Variants in CFAP97D1 observed in about 807,000 individuals in gnomAD.
CFAP97D1 encodes CFAP97 domain containing 1, also known as sperm axonemal maintenance protein CFAP97D1.
In CFAP97D1, 15 loss-of-function variants were observed where a neutral mutation model predicts 20.5. That is an observed-to-expected ratio of 0.73 (90% CI 0.49 to 1.13). CFAP97D1 has a LOEUF of 1.13. Among genes scored for constraint, CFAP97D1 ranks in the 50% most tolerant of loss-of-function variants. The probability of loss-of-function intolerance (pLI) is 0.00; values close to 1 mark genes in which losing one functional copy is unlikely to be tolerated. For missense variants in CFAP97D1, 168 were observed against 202.9 expected, an observed-to-expected ratio of 0.83 and a Z score of 1.04; for synonymous variants, 58 against 71.2, an observed-to-expected ratio of 0.82 and a Z score of 0.93.
intron 5 of CFAP97D1, 109 bp from the exon 6 acceptor site, chr17:43,784,274 A>T (rs2044276192): frequency 5.9e-6 from 1 of 169,524 alleles, no homozygotes; most frequent in South Asian, 1.7e-4. Flanking sequence ...AGTGATGACT[A>T]AGTGGTTTCC....
rs1201748369 is a variant in CFAP97D1 at position 43,781,164 on chromosome 17, A to G, written c.170A>G (p.His57Arg). ...AAACCTCCAGTGGCGCACACAAATC[A>G]CATTTTAAAATTGAGCAAACTACAG... ...DTKPPVAHTN[H>R]ILKLSKLQGE... The change falls in exon 2 of 6, where the codon CAC becomes CGC. Residue 57 changes from histidine to arginine, a missense_variant. Coordinates refer to ENST00000449302, the MANE Select transcript of CFAP97D1 (RefSeq NM_001136483.3). 1.2e-5 allele frequency: 18 copies of G among 1,551,454 alleles called. No individual in the cohort carries two copies. The East Asian group carries it at 4.4e-4, about 38-fold the overall frequency.
intron 2 of CFAP97D1, among the ~76,000 whole-genome samples, chr17:43,781,390 G>A (rs939274260): frequency 3.3e-5 from 5 of 151,496 alleles, no homozygotes; most frequent in African/African-American, 1.2e-4. Context: ...AGGCTGGAGT[G>A]CACAATCTCG....
intron 3 of CFAP97D1, chr17:43,782,809 G>T: frequency 5.2e-6 from 1 of 191,032 alleles, no homozygotes; most frequent in South Asian, 1.1e-4. Flanking sequence ...AAAACTTGTC[G>T]CCAGCCGTTT....
intron 2 of CFAP97D1, among the ~76,000 whole-genome samples, 178 bp downstream of exon 2, chr17:43,781,367 C>T (rs576011901): frequency 2.0e-5 from 3 of 147,940 alleles, no homozygotes; most frequent in East Asian, 2.2e-4. Flanking sequence ...TACGGAGTCT[C>T]GCTCTGTTGC....
At chr17:43,780,954 T>A (rs76293039) in intron 1 of CFAP97D1, among the ~76,000 whole-genome samples, 165 bp from the exon 2 acceptor site, 15,550 of 152,248 alleles carry the variant, frequency 0.1, 996 homozygotes, top group African/African-American at 0.17. Context: ...CTCAAAACTC[T>A]CCAGAGATGT....
At chr17:43,780,998 G>T (rs528859988) in intron 1 of CFAP97D1, 121 bp from the exon 2 acceptor site, 1 of 698,014 alleles carries the variant, frequency 1.4e-6, no homozygotes, top group East Asian at 2.8e-5. Context: ...TTCTTGAGTC[G>T]CATTAAGGTC....
chr17:43,781,132 T>A lies in CFAP97D1; in HGVS notation c.138T>A (p.Val46=). 11 of 1,551,504 alleles carry A rather than the reference T, an allele frequency of 7.1e-6. No individual in the cohort carries two copies. The highest frequency in any genetic ancestry group is 9.6e-6 in the Non-Finnish European group (11 of 1,146,810). The change falls in exon 2 of 6, where the codon GTT becomes GTA. Residue 46 remains valine, a synonymous_variant. Coordinates refer to ENST00000449302, the MANE Select transcript of CFAP97D1 (RefSeq NM_001136483.3). ...CCCCTTCTCTAGCGAAGCCTACTGT[T>A]GATACCAAACCTCCAGTGGCGCACA... The part of the protein sequence containing the change: ...KNRIQIAKPT[V]DTKPPVAHTN...
chr17:43,780,446 G>A lies in CFAP97D1; in HGVS notation c.-17G>A. The A allele has an allele frequency of 6.4e-7, 1 of 1,551,618 alleles. No homozygotes were observed. The highest frequency in any genetic ancestry group is 8.7e-7 in the Non-Finnish European group (1 of 1,146,948). On this transcript the variant is annotated 5_prime_UTR_variant, in exon 1 of 6. Coordinates refer to ENST00000449302, the MANE Select transcript of CFAP97D1 (RefSeq NM_001136483.3). ...AGTCTGGGTACCTCATTTCTGAAGT[G>A]AGACTAGGAAGAGAAGATGAACAAT...
chr17:43,781,845 T>G lies in CFAP97D1; in HGVS notation c.267T>G (p.His89Gln). ...TGTGTCAGAAAATCGCAAATGCCCA[T>G]CGCGGCCCTGCCAAGGTGGATTGCT... is the stretch of plus-strand genomic sequence containing the variant. ...KQLCQKIANA[H>Q]RGPAKVDCWN... Residue 89 changes from histidine to glutamine, a missense_variant, in exon 3 of 6, where the codon CAT becomes CAG. Physicochemically the swap from His to Gln is conservative, Grantham distance 24 (BLOSUM62 0). Coordinates refer to ENST00000449302, the MANE Select transcript of CFAP97D1 (RefSeq NM_001136483.3). The G allele has an allele frequency of 6.4e-7, 1 of 1,551,544 alleles. No individual in the cohort carries two copies. Among genetic ancestry groups the G allele is most frequent in the Non-Finnish European group, 8.7e-7 (1 of 1,146,870 alleles).
Position 43,785,012 on chromosome 17 carries a change from AGAGAGAGAGAGAGT to A in CFAP97D1, c.*639_*652del, listed in dbSNP as rs1433716387. The A allele has an allele frequency of 1.3e-5, 2 of 151,266 alleles. No individual in the cohort carries two copies. Among genetic ancestry groups the A allele is most frequent in the African/African-American group, 4.9e-5 (2 of 40,838 alleles). The allele number at this position is 151,266 out of a possible 1,614,324, so 9.4% of individuals were successfully genotyped here. On this transcript the variant is annotated 3_prime_UTR_variant, in exon 6 of 6. Transcript: ENST00000449302. ...GAGACAGACTCAATAGGAGAGAGAGAGAGAGAGAGAGAGTGAGAGAGATAGATAGAGAGTGAGAG... is the reference window on the plus strand; with the variant it reads ...GAGACAGACTCAATAGGAGAGAGAGAGAGAGAGATAGATAGAGAGTGAGAG...
Position 43,780,564 on chromosome 17 carries a change from T to G in CFAP97D1, c.102T>G (p.Ser34=). The change falls in exon 1 of 6, where the codon TCT becomes TCG. Residue 34 remains serine, a synonymous_variant. Transcript: ENST00000449302. ...RKKLDFGHYV[S]HKNRIQIAKP... ...AACTGGACTTTGGCCACTACGTATC[T>G]CACAAGAATAGAATACAAATAGGTA... is the stretch of plus-strand genomic sequence containing the variant. 1 of 1,551,644 alleles carries G rather than the reference T, an allele frequency of 6.4e-7. No homozygotes were observed. The highest frequency in any genetic ancestry group is 8.7e-7 in the Non-Finnish European group (1 of 1,146,970).
chr17:43,783,162 G>A lies in CFAP97D1; in HGVS notation c.315-18G>A. 1 of 1,551,418 alleles carries A rather than the reference G, an allele frequency of 6.4e-7. No homozygotes were observed. On this transcript the variant is annotated intron_variant, in intron 3 of 5. Transcript: ENST00000449302. ...AGCATTTCCTTCTTCACCCATTTCG[G>A]GGTTTTGTGTTTTTCAGCTTAAACA...
chr17:43,780,807 G>A (rs563814513), intron 1 of CFAP97D1, among the ~76,000 whole-genome samples: 21 of 152,294 alleles, frequency 1.4e-4, no homozygotes, highest in Non-Finnish European at 2.4e-4. Context: ...GCCGAAGTAC[G>A]TTAGAAAGGG....
At chr17:43,782,122 T>A (rs185959645) in intron 3 of CFAP97D1, among the ~76,000 whole-genome samples, 20 of 152,344 alleles carry the variant, frequency 1.3e-4, no homozygotes, top group African/African-American at 4.8e-4. Flanking sequence ...ATTCAGTGTG[T>A]CACAAGAATG....
At chr17:43,781,004 A>C in intron 1 of CFAP97D1, 115 bp from the exon 2 acceptor site, 1 of 734,150 alleles carries the variant, frequency 1.4e-6, no homozygotes, top group Non-Finnish European at 2.3e-6. Context: ...AGTCGCATTA[A>C]GGTCCTAATT....
intron 2 of CFAP97D1, among the ~76,000 whole-genome samples, chr17:43,781,520 CAG>C (rs1039549702): frequency 6.6e-5 from 10 of 152,238 alleles, no homozygotes; most frequent in Admixed American, 3.9e-4. Flanking sequence ...TTAGTAGAGA[CAG>C]GGGTTCACCA....
At chr17:43,781,339 C>G in intron 2 of CFAP97D1, 150 bp downstream of exon 2, 1 of 670,390 alleles carries the variant, frequency 1.5e-6, no homozygotes, top group Non-Finnish European at 2.5e-6. Flanking sequence ...CACCCCCAGT[C>G]GTTTTTTTCC....
At chr17:43,783,814 T>C (rs1490373973) in intron 4 of CFAP97D1, 23 bp from the exon 5 acceptor site, 1 of 1,542,390 alleles carries the variant, frequency 6.5e-7, no homozygotes, top group Non-Finnish European at 8.8e-7. Flanking sequence ...GGCATTGACA[T>C]AAACCAATTT....
At position 43,780,642 on chromosome 17, in the gene CFAP97D1, A is replaced by T; in HGVS notation, c.124+56A>T. 3 of 1,543,022 alleles carry T rather than the reference A, an allele frequency of 1.9e-6. No homozygotes were observed. The South Asian group carries it at 3.6e-5, about 18-fold the overall frequency. ...ATTAGGGATTTTGGAATGGTACCCC[A>T]TAAAGAGATCAACAGGAAACCAGAC... On this transcript the variant is annotated intron_variant, in intron 1 of 5. Coordinates refer to ENST00000449302, the MANE Select transcript of CFAP97D1 (RefSeq NM_001136483.3).
Sources: gnomAD v4.1 joint callset for allele counts (sites outside exome capture counted in the v4.1 genomes callset) on GRCh38, gnomAD v4.1.1 for gene constraint, MANE v1.5 for transcripts, NCBI Gene and HGNC (gene_info 2026-07-23, HGNC 2026-07-21) for gene names.